IGF2BP3: variants seen among roughly 807,000 people sequenced by gnomAD.
The protein encoded by IGF2BP3 is insulin like growth factor 2 mRNA binding protein 3, also known as insulin-like growth factor 2 mRNA-binding protein 3.
Under a neutral mutation model 73.8 loss-of-function variants are expected in IGF2BP3, and 9 were observed. That is an observed-to-expected ratio of 0.12 (90% confidence interval 0.07 to 0.21). The LOEUF is 0.21. Among genes scored for constraint, IGF2BP3 ranks in the 10% least tolerant of loss-of-function variants. The probability of loss-of-function intolerance (pLI) is 1.00; values close to 1 mark genes in which losing one functional copy is unlikely to be tolerated. For synonymous variants in IGF2BP3, 258 were observed against 256.7 expected, an observed-to-expected ratio of 1.01 and a Z score of -0.05; for missense variants, 542 against 714.0, an observed-to-expected ratio of 0.76 and a Z score of 2.75.
chr7:23,409,757 G>A (rs1416252135), intron 3 of IGF2BP3, among the ~76,000 whole-genome samples: 1 of 143,332 alleles, frequency 7.0e-6, no homozygotes, highest in Non-Finnish European at 1.5e-5. Context: ...ATAGGCTTAA[G>A]ACAATAGGAG....
intron 2 of IGF2BP3, among the ~76,000 whole-genome samples, chr7:23,419,559 A>C (rs185702091): frequency 1.3e-5 from 2 of 152,328 alleles, no homozygotes; most frequent in East Asian, 3.9e-4. Flanking sequence ...ATGCATTTTA[A>C]AACATCCTGA....
intron 2 of IGF2BP3, among the ~76,000 whole-genome samples, chr7:23,424,411 T>A (rs1378950826): frequency 1.3e-5 from 2 of 151,890 alleles, no homozygotes. Context: ...GGCAGGAGAA[T>A]CGCCTGAACC....
chr7:23,427,329 A>G (rs974969510), intron 2 of IGF2BP3, among the ~76,000 whole-genome samples: 1 of 152,190 alleles, frequency 6.6e-6, no homozygotes, highest in Non-Finnish European at 1.5e-5. Context: ...AGGAAACTCA[A>G]TAAAGTATCT....
chr7:23,351,456 C>T lies in IGF2BP3; in HGVS notation c.532G>A (p.Gly178Ser). The change falls in exon 6 of 15, where the codon GGC (glycine) becomes AGC (serine). Residue 178 changes from glycine (G) to serine (S), a missense_variant. By Grantham distance (56) the Gly-to-Ser change is moderately conservative. Coordinates refer to ENST00000258729, the MANE Select transcript of IGF2BP3 (RefSeq NM_006547.3). ...PRGRRGLGQR[G>S]SSRQGSPGSV... ...CCTGGAGACCCCTGCCTTGAGGAGC[C>T]CCTCTGCCCAAGCCCCCGGCGACCT... is the stretch of plus-strand genomic sequence containing the variant. 6.2e-7 allele frequency: 1 copy of T among 1,613,638 alleles called. No homozygotes were observed. Among genetic ancestry groups the T allele is most frequent in the Non-Finnish European group, 8.5e-7 (1 of 1,179,864 alleles).
intron 12 of IGF2BP3, among the ~76,000 whole-genome samples, chr7:23,314,184 A>ATT (rs564895732): frequency 7.0e-5 from 9 of 127,846 alleles, no homozygotes; most frequent in African/African-American, 1.4e-4. Context: ...CACCTGACTT[A>ATT]TTTTTTTTTT....
At chr7:23,411,564 AGT>A (rs1407390849) in intron 3 of IGF2BP3, among the ~76,000 whole-genome samples, 1 of 152,214 alleles carries the variant, frequency 6.6e-6, no homozygotes, top group Non-Finnish European at 1.5e-5. Flanking sequence ...CTGGGCAACA[AGT>A]GTGAAATGCT....
At chr7:23,369,369 A>G (rs1236501483) in intron 3 of IGF2BP3, among the ~76,000 whole-genome samples, 3 of 152,204 alleles carry the variant, frequency 2.0e-5, no homozygotes, top group African/African-American at 7.2e-5. Context: ...ACATCATTGT[A>G]AGATTCAATC....
chr7:23,439,589 A>G (rs1787884862), intron 2 of IGF2BP3, among the ~76,000 whole-genome samples: 1 of 151,388 alleles, frequency 6.6e-6, no homozygotes, highest in Admixed American at 6.6e-5. Context: ...ACATGTTTAA[A>G]CTCTGTCCCT....
intron 3 of IGF2BP3, chr7:23,396,480 T>G (rs1786468965): frequency 5.4e-6 from 1 of 186,162 alleles, no homozygotes; most frequent in Non-Finnish European, 1.2e-5. Context: ...CTGGAATTAC[T>G]GGCAGATTGT....
chr7:23,396,103 C>T (rs1281913096), intron 3 of IGF2BP3, among the ~76,000 whole-genome samples: 1 of 149,028 alleles, frequency 6.7e-6, no homozygotes, highest in African/African-American at 2.5e-5. Flanking sequence ...CCAACCAATA[C>T]ACTTTCAGTG....
Position 23,312,165 on chromosome 7 carries a change from T to C in IGF2BP3, c.*197A>G, listed in dbSNP as rs1437509076. On this transcript the variant is annotated 3_prime_UTR_variant, in exon 15 of 15. Transcript: ENST00000258729. ...TTTGTTTGTTTGTTTTAAAGCTGGG[T>C]GTCATACATTTCAGAGAGCATAAAG... is the stretch of plus-strand genomic sequence containing the variant. The C allele has an allele frequency of 4.3e-6, 2 of 464,366 alleles. No homozygotes were observed. 28.8% of individuals were successfully genotyped at this position (464,366 alleles called of 1,614,324 possible).
chr7:23,420,312 T>C (rs557677655), intron 2 of IGF2BP3, among the ~76,000 whole-genome samples: 42 of 151,992 alleles, frequency 2.8e-4, no homozygotes, highest in African/African-American at 9.4e-4. Context: ...CAAAAATCTT[T>C]TTAAAATTTT....
intron 2 of IGF2BP3, chr7:23,431,276 T>C (rs1366070812): frequency 6.6e-6 from 1 of 152,232 alleles, no homozygotes; most frequent in Non-Finnish European, 1.5e-5. Flanking sequence ...TAAGCTATTG[T>C]TTCTAGCCAG....
intron 2 of IGF2BP3, among the ~76,000 whole-genome samples, chr7:23,453,279 T>C (rs1272700717): frequency 6.6e-6 from 1 of 152,240 alleles, no homozygotes; most frequent in Non-Finnish European, 1.5e-5. Context: ...ACTCTCAGTA[T>C]TGTCTTCCTT....
chr7:23,422,645 C>G (rs1325669253), intron 2 of IGF2BP3, among the ~76,000 whole-genome samples: 1 of 152,228 alleles, frequency 6.6e-6, no homozygotes, highest in Admixed American at 6.5e-5. Context: ...TTTCTACCCA[C>G]TCTTCAAAAT....
intron 2 of IGF2BP3, among the ~76,000 whole-genome samples, chr7:23,466,106 G>A (rs949009677): frequency 6.6e-6 from 1 of 150,954 alleles, no homozygotes; most frequent in African/African-American, 2.4e-5. Context: ...GCAACCTCCA[G>A]CTCCCCAGTT....
chr7:23,412,591 C>G (rs77511579), intron 3 of IGF2BP3, among the ~76,000 whole-genome samples: 6 of 152,100 alleles, frequency 3.9e-5, no homozygotes, highest in African/African-American at 1.4e-4. Flanking sequence ...ACAGTAAACA[C>G]AGGGAAATAT....
chr7:23,374,328 T>C (rs1785651416), intron 3 of IGF2BP3, among the ~76,000 whole-genome samples: 1 of 152,142 alleles, frequency 6.6e-6, no homozygotes, highest in South Asian at 2.1e-4. Flanking sequence ...CCCCCTACCT[T>C]GGATACCAAA....
chr7:23,344,889 C>T (rs1205103818), intron 8 of IGF2BP3, among the ~76,000 whole-genome samples: 2 of 152,242 alleles, frequency 1.3e-5, no homozygotes, highest in Admixed American at 6.5e-5. Context: ...CTCAACCTGG[C>T]CCTGCCAAGC....
Sources: gnomAD v4.1 joint callset for allele counts (sites outside exome capture counted in the v4.1 genomes callset) on GRCh38, gnomAD v4.1.1 for gene constraint, MANE v1.5 for transcripts, NCBI Gene and HGNC (gene_info 2026-07-23, HGNC 2026-07-21) for gene names.